DAAM1: variants seen among roughly 807,000 people sequenced by gnomAD.
DAAM1 encodes disheveled-associated activator of morphogenesis 1.
Under a neutral mutation model 130.0 loss-of-function variants are expected in DAAM1, and 52 were observed. The ratio of observed to expected loss-of-function variants is 0.40; its 90% confidence interval spans 0.32 to 0.50. DAAM1 has a LOEUF of 0.50. Ranked by LOEUF, DAAM1 falls within the 20% of genes least tolerant of loss-of-function variation. The pLI, the probability that DAAM1 is intolerant of heterozygous loss-of-function variation, is 0.61. For missense variants in DAAM1, 1,134 were observed against 1,303.8 expected, an observed-to-expected ratio of 0.87 and a Z score of 2.01; for synonymous variants, 452 against 444.5, an observed-to-expected ratio of 1.02 and a Z score of -0.21.
At chr14:59,235,120 T>C (rs1184952659) in intron 1 of DAAM1, among the ~76,000 whole-genome samples, 1 of 152,176 alleles carries the variant, frequency 6.6e-6, no homozygotes, top group Non-Finnish European at 1.5e-5. Context: ...TTGTTGTGTC[T>C]TTGCCAGGTT....
At position 59,326,095 on chromosome 14, in the gene DAAM1, T is replaced by G; in HGVS notation, c.1174+18T>G. On this transcript the variant is annotated intron_variant, in intron 10 of 24. Coordinates refer to ENST00000360909, the MANE Select transcript of DAAM1 (RefSeq NM_001270520.2). The stretch of plus-strand genomic sequence containing the variant: ...AATGCCTTGTAAGTGTGTTCGTGAC[T>G]CACATGTGTGCTTCTGAATGTTTGG... The G allele has an allele frequency of 6.2e-7, 1 of 1,603,116 alleles. No individual in the cohort carries two copies. The highest frequency in any genetic ancestry group is 2.2e-5 in the East Asian group (1 of 44,800).
chr14:59,318,290 A>G (rs1378386896), intron 4 of DAAM1, among the ~76,000 whole-genome samples: 1 of 151,942 alleles, frequency 6.6e-6, no homozygotes, highest in African/African-American at 2.4e-5. Flanking sequence ...GCTAAGTTCC[A>G]GACTCCCAGC....
chr14:59,239,418 G>C (rs140720766), intron 1 of DAAM1, among the ~76,000 whole-genome samples: 46 of 152,234 alleles, frequency 3.0e-4, no homozygotes, highest in African/African-American at 1.1e-3. Context: ...GAAAAAGAGA[G>C]AGGTGTAGCT....
chr14:59,207,291 A>G (rs567164849), intron 1 of DAAM1, among the ~76,000 whole-genome samples: 5 of 152,284 alleles, frequency 3.3e-5, no homozygotes, highest in South Asian at 2.1e-4. Context: ...GACAAAATTC[A>G]TTTGTTTTGC....
chr14:59,259,992 T>C (rs964718238), intron 1 of DAAM1, among the ~76,000 whole-genome samples: 19 of 151,942 alleles, frequency 1.3e-4, no homozygotes, highest in Non-Finnish European at 2.2e-4. Context: ...TGCAGTGAGC[T>C]GAGATCGCGC....
At chr14:59,308,550 A>G (rs1435578667) in intron 3 of DAAM1, among the ~76,000 whole-genome samples, 1 of 152,046 alleles carries the variant, frequency 6.6e-6, no homozygotes, top group African/African-American at 2.4e-5. Flanking sequence ...GTTCCAGAAG[A>G]TTGTGGACCT....
At chr14:59,236,644 T>A (rs1476463480) in intron 1 of DAAM1, among the ~76,000 whole-genome samples, 1 of 152,106 alleles carries the variant, frequency 6.6e-6, no homozygotes, top group Non-Finnish European at 1.5e-5. Flanking sequence ...ATATCCTGTT[T>A]TATCCATCTG....
intron 1 of DAAM1, among the ~76,000 whole-genome samples, chr14:59,228,544 C>T (rs1889011479): frequency 1.3e-5 from 2 of 152,172 alleles, no homozygotes; most frequent in Admixed American, 6.5e-5. Context: ...CCACACATTT[C>T]GAATGAATGT....
intron 2 of DAAM1, chr14:59,266,051 A>G (rs1882422559): frequency 6.6e-6 from 1 of 152,172 alleles, no homozygotes; most frequent in South Asian, 2.1e-4. Flanking sequence ...GCAGTGAATC[A>G]TCTACCAAGA....
In DAAM1 at chr14:59,360,726, G is replaced by A; in HGVS notation, c.2634-76G>A. The stretch of plus-strand genomic sequence containing the variant: ...TAAAATAGGATGGACTTCCAAGCGT[G>A]AAATATTTAAACCCATCTTATATTT... On this transcript the variant is annotated intron_variant, in intron 21 of 24. Coordinates refer to ENST00000360909, the MANE Select transcript of DAAM1 (RefSeq NM_001270520.2). 7.0e-6 allele frequency: 9 copies of A among 1,290,520 alleles called. No homozygotes were observed. The South Asian group carries it at 1.1e-4, about 15-fold the overall frequency. 79.9% of individuals were successfully genotyped at this position (1,290,520 alleles called of 1,614,324 possible).
chr14:59,218,227 T>C (rs998981839), intron 1 of DAAM1, among the ~76,000 whole-genome samples: 4 of 152,172 alleles, frequency 2.6e-5, no homozygotes, highest in African/African-American at 9.7e-5. Flanking sequence ...GCTACTGTAG[T>C]AGATGGTGCA....
rs1882302600 is a variant in DAAM1 at position 59,263,845 on chromosome 14, G to C, written c.183+185G>C. 2.3e-5 allele frequency: 17 copies of C among 726,688 alleles called. No individual in the cohort carries two copies. The South Asian group carries it at 3.0e-4, about 13-fold the overall frequency. 45.0% of individuals were successfully genotyped at this position (726,688 alleles called of 1,614,324 possible). Reference sequence around the variant, plus strand: ...TGTGGAGAAGGAAGAGTTAGAAGAGGGTAGTATTACTACATCCAAGTGCTT... The same window carrying C: ...TGTGGAGAAGGAAGAGTTAGAAGAGCGTAGTATTACTACATCCAAGTGCTT... On this transcript the variant is annotated intron_variant, in intron 2 of 24. Coordinates refer to ENST00000360909, the MANE Select transcript of DAAM1 (RefSeq NM_001270520.2).
At chr14:59,353,054 C>T (rs369483012) in intron 18 of DAAM1, among the ~76,000 whole-genome samples, 1 of 151,952 alleles carries the variant, frequency 6.6e-6, no homozygotes, top group East Asian at 1.9e-4. Context: ...CTCAAGCCCC[C>T]ATAACTGAAC....
intron 23 of DAAM1, among the ~76,000 whole-genome samples, chr14:59,365,969 A>G (rs1384007244): frequency 1.3e-5 from 2 of 152,216 alleles, no homozygotes; most frequent in African/African-American, 2.4e-5. Context: ...AAAACATACT[A>G]TCTTGAGTTA....
rs913674329 is a variant in DAAM1 at position 59,188,724 on chromosome 14, A to C, written c.-82A>C. The C allele has an allele frequency of 5.2e-5, 8 of 152,828 alleles. No homozygotes were observed. The highest frequency in any genetic ancestry group is 2.1e-4 in the South Asian group (1 of 4,830). The allele number at this position is 152,828 out of a possible 1,614,324, so 9.5% of individuals were successfully genotyped here. A position where few individuals can be genotyped will look rare whatever the true frequency, so the allele number is the denominator to read the frequency against. The stretch of plus-strand genomic sequence containing the variant: ...AAACTGTTTAACCGGATCCCATTGT[A>C]CCCAGAGTGCAGAGCCGCCTTTCCA... On this transcript the variant is annotated 5_prime_UTR_variant, in exon 1 of 25. Transcript: ENST00000360909.
chr14:59,263,449 C>A lies in DAAM1; in HGVS notation c.-29C>A. 6.2e-7 allele frequency: 1 copy of A among 1,612,972 alleles called. No individual in the cohort carries two copies. The highest frequency in any genetic ancestry group is 1.1e-5 in the South Asian group (1 of 91,014). ...ATATCCTCTTTTTGCAGCGTTTAGT[C>A]ACATCAAGAAATAGAACAGAATTCA... On this transcript the variant is annotated 5_prime_UTR_variant, in exon 2 of 25. Transcript: ENST00000360909.
At chr14:59,343,256 G>A (rs1885923107) in intron 16 of DAAM1, among the ~76,000 whole-genome samples, 2 of 152,184 alleles carry the variant, frequency 1.3e-5, no homozygotes, top group Admixed American at 1.3e-4. Context: ...TGGTCTTTTG[G>A]TTTCGCAGGA....
At chr14:59,295,028 C>T (rs1235791964) in intron 3 of DAAM1, among the ~76,000 whole-genome samples, 1 of 152,134 alleles carries the variant, frequency 6.6e-6, no homozygotes, top group Non-Finnish European at 1.5e-5. Context: ...TTATTAGTAT[C>T]CAGAAAAATA....
In DAAM1 at chr14:59,326,813, G is replaced by A. The variant is rs1885220400; in HGVS notation, c.1314-120G>A. The A allele has an allele frequency of 3.3e-6, 5 of 1,514,122 alleles. No homozygotes were observed. The African/African-American group carries it at 4.2e-5, about 13-fold the overall frequency. The allele number at this position is 1,514,122 out of a possible 1,614,324, so 93.8% of individuals were successfully genotyped here. The stretch of plus-strand genomic sequence containing the variant: ...CTAAGTAACATCTGGTCTTAAATGG[G>A]TTTCAAGCATGCACTGAGGATTTTC... On this transcript the variant is annotated intron_variant, in intron 11 of 24. Coordinates refer to ENST00000360909, the MANE Select transcript of DAAM1 (RefSeq NM_001270520.2).
Sources: gnomAD v4.1 joint callset for allele counts (sites outside exome capture counted in the v4.1 genomes callset) on GRCh38, gnomAD v4.1.1 for gene constraint, MANE v1.5 for transcripts, NCBI Gene and HGNC (gene_info 2026-07-23, HGNC 2026-07-21) for gene names.